The following DENND4A variants were observed in gnomAD, a reference collection of about 807,000 sequenced individuals.
DENND4A encodes C-myc promoter-binding protein.
In DENND4A, 70 loss-of-function variants were observed where a neutral mutation model predicts 199.3. That is an observed-to-expected ratio of 0.35 (90% confidence interval 0.29 to 0.43). DENND4A has a LOEUF of 0.43. Among genes scored for constraint, DENND4A ranks in the 20% least tolerant of loss-of-function variants. DENND4A has a pLI of 1.00. For missense variants in DENND4A, 1,723 were observed against 2,255.8 expected (o/e 0.76, Z 4.78); for synonymous variants, 686 against 766.9 (o/e 0.89, Z 1.74).
At position 65,676,525 on chromosome 15, in the gene DENND4A, G is replaced by A; in HGVS notation, c.4289C>T (p.Ser1430Phe). The part of the protein sequence containing the change: ...VCHELEGPIS[S>F]QETSATSGTK... ...CCCTGAAGTAGCACTGGTCTCTTGA[G>A]AGGAGATAGGTCCTTCCAACTCATG... is the stretch of plus-strand genomic sequence containing the variant. The change falls in exon 24 of 33, where the codon TCT (serine) becomes TTT (phenylalanine). Residue 1430 changes from serine (S) to phenylalanine (F), a missense_variant. Ser to Phe is a radical substitution (Grantham distance 155). This residue lies in a region of DENND4A where 650 missense variants were observed against 738.1 expected (regional missense o/e 0.88). Transcript: ENST00000443035. The A allele has an allele frequency of 2.5e-6, 4 of 1,613,764 alleles. No individual in the cohort carries two copies. The highest frequency in any genetic ancestry group is 3.4e-6 in the Non-Finnish European group (4 of 1,179,788).
intron 1 of DENND4A, chr15:65,771,288 T>C: frequency 6.3e-7 from 1 of 1,583,018 alleles, no homozygotes; most frequent in Non-Finnish European, 8.7e-7. Flanking sequence ...GCATACTGCA[T>C]ATCTGTTTTT....
rs894707020 is a variant in DENND4A, at chr15:65,723,029, C to T, written c.1488-81G>A. ...GGTATATATCTGTTATATATAAAAA[C>T]GGGAAAAGATTAAACACCTTGAATG... On this transcript the variant is annotated intron_variant, in intron 11 of 32. Coordinates refer to ENST00000443035, the MANE Select transcript of DENND4A (RefSeq NM_001320835.1). 18 of 1,056,666 alleles carry T rather than the reference C, an allele frequency of 1.7e-5. No individual in the cohort carries two copies. The South Asian group carries it at 1.8e-4, about 10-fold the overall frequency. The allele number at this position is 1,056,666 out of a possible 1,614,324, so 65.5% of individuals were successfully genotyped here.
rs1302233067 is a variant in DENND4A at position 65,676,619 on chromosome 15, G to A, written c.4195C>T (p.Arg1399Cys). 4.3e-6 allele frequency: 7 copies of A among 1,611,288 alleles called. No homozygotes were observed. The highest frequency in any genetic ancestry group is 5.1e-6 in the Non-Finnish European group (6 of 1,178,738). ...TTSSKDQSSDRTSLSSVGAQD... is the reference protein window; with the variant it reads ...TTSSKDQSSDCTSLSSVGAQD... ...GCTCCCACTGAAGAAAGACTGGTAC[G>A]ATCAGAACTTTGATCCTAAGGACAT... Residue 1399 changes from arginine to cysteine, a missense_variant, in exon 24 of 33, where the codon CGT becomes TGT. Arg to Cys is a radical substitution (Grantham distance 180). Coordinates refer to ENST00000443035, the MANE Select transcript of DENND4A (RefSeq NM_001320835.1).
At chr15:65,685,248 T>G (rs767736052) in intron 23 of DENND4A, among the ~76,000 whole-genome samples, 13 of 152,072 alleles carry the variant, frequency 8.5e-5, no homozygotes, top group Non-Finnish European at 1.8e-4. Flanking sequence ...TGCCTCAGCC[T>G]CCCGAGTAGC....
At chr15:65,731,552 C>T in intron 9 of DENND4A, 90 bp downstream of exon 9, 4 of 957,006 alleles carry the variant, frequency 4.2e-6, no homozygotes, top group Non-Finnish European at 6.4e-6. Flanking sequence ...GTATTTCCAT[C>T]AATATTTGAA....
chr15:65,719,618 A>G (rs1016801350), intron 12 of DENND4A, among the ~76,000 whole-genome samples: 5 of 152,150 alleles, frequency 3.3e-5, no homozygotes, highest in African/African-American at 1.2e-4. Flanking sequence ...GGCCGGGTGC[A>G]GTGGCTCACA....
At chr15:65,754,197 A>C (rs914507230) in intron 3 of DENND4A, among the ~76,000 whole-genome samples, 12 of 152,162 alleles carry the variant, frequency 7.9e-5, no homozygotes, top group Non-Finnish European at 1.6e-4. Flanking sequence ...ATTAAAAAAA[A>C]ATCTTCTCAA....
At chr15:65,764,945 C>T (rs1425280280) in intron 1 of DENND4A, among the ~76,000 whole-genome samples, 2 of 143,650 alleles carry the variant, frequency 1.4e-5, no homozygotes, top group African/African-American at 5.3e-5. Context: ...GCACTCCAGC[C>T]TGGGTGACAG....
intron 32 of DENND4A, among the ~76,000 whole-genome samples, chr15:65,663,266 G>A (rs1439774334): frequency 6.8e-6 from 1 of 147,362 alleles, no homozygotes; most frequent in Admixed American, 6.8e-5. Context: ...CTGGAGTGCA[G>A]TGGCACAATC....
chr15:65,732,440 A>G (rs1489559464), intron 8 of DENND4A, among the ~76,000 whole-genome samples: 1 of 152,132 alleles, frequency 6.6e-6, no homozygotes, highest in Non-Finnish European at 1.5e-5. Context: ...AACTTATTAA[A>G]TAACTGCCAA....
At chr15:65,696,631 TGTTTGTCAACCACAAATAA>T in intron 21 of DENND4A, 134 bp from the exon 22 acceptor site, 1 of 564,806 alleles carries the variant, frequency 1.8e-6, no homozygotes, top group Non-Finnish European at 3.0e-6. Flanking sequence ...CCTCTATATC[TGTTTGTCAACCACAAATAA>T]GTGATTTCAC....
intron 23 of DENND4A, among the ~76,000 whole-genome samples, chr15:65,678,230 A>C (rs1426331243): frequency 2.0e-5 from 3 of 152,252 alleles, no homozygotes; most frequent in Admixed American, 6.5e-5. Flanking sequence ...ACCTGGCCTC[A>C]TACTTTTCTT....
intron 1 of DENND4A, among the ~76,000 whole-genome samples, chr15:65,790,433 C>G (rs1436080718): frequency 6.6e-6 from 1 of 152,142 alleles, no homozygotes; most frequent in Non-Finnish European, 1.5e-5. Context: ...AGCAAGTACA[C>G]TGTTATAAAA....
chr15:65,673,646 A>G (rs1194880518), intron 24 of DENND4A, among the ~76,000 whole-genome samples: 1 of 151,682 alleles, frequency 6.6e-6, no homozygotes, highest in Non-Finnish European at 1.5e-5. Flanking sequence ...AAAAAAAAAA[A>G]AGGTCCAGAA....
chr15:65,671,746 T>C (rs762933264), intron 25 of DENND4A, 46 bp downstream of exon 25: 3 of 1,265,754 alleles, frequency 2.4e-6, no homozygotes, highest in Non-Finnish European at 2.3e-6. Context: ...GAAATGTGCA[T>C]TTTATAAAGC....
At chr15:65,768,319 T>C (rs1231041123) in intron 1 of DENND4A, among the ~76,000 whole-genome samples, 1 of 151,796 alleles carries the variant, frequency 6.6e-6, no homozygotes, top group Non-Finnish European at 1.5e-5. Context: ...ACCTAGCCTG[T>C]TTTTTTCGTT....
intron 29 of DENND4A, among the ~76,000 whole-genome samples, chr15:65,667,084 C>A (rs1380917765): frequency 1.3e-5 from 2 of 152,202 alleles, no homozygotes; most frequent in Non-Finnish European, 2.9e-5. Flanking sequence ...GTAATCCCAA[C>A]ACTTTGGGAG....
intron 22 of DENND4A, 111 bp from the exon 23 acceptor site, chr15:65,691,622 G>A: frequency 8.8e-7 from 1 of 1,130,712 alleles, no homozygotes; most frequent in Non-Finnish European, 1.2e-6. Context: ...CACTCACTGA[G>A]TGTCTGCTAT....
rs763974287 is a variant in DENND4A at position 65,700,666 on chromosome 15, C to T, written c.2711G>A (p.Ser904Asn). 3 of 1,536,418 alleles carry T rather than the reference C, an allele frequency of 2.0e-6. No individual in the cohort carries two copies. Among genetic ancestry groups the T allele is most frequent in the Non-Finnish European group, 2.6e-6 (3 of 1,142,150 alleles). Residue 904 changes from serine to asparagine, a missense_variant, in exon 20 of 33, where the codon AGT becomes AAT. Ser to Asn is a conservative substitution (Grantham distance 46). Around this residue, in one of 6 missense-constraint regions of DENND4A, gnomAD observed 650 missense variants for 738.1 expected, o/e 0.88. Coordinates refer to ENST00000443035, the MANE Select transcript of DENND4A (RefSeq NM_001320835.1). ...GCCATGACTAACAGCATCCAGGTCACTGCCATCTGCTTAAGAACACAATTT... is the reference window on the plus strand; with the variant it reads ...GCCATGACTAACAGCATCCAGGTCATTGCCATCTGCTTAAGAACACAATTT... Reference protein sequence around the residue: ...LSQTTLSADGSDLDAVSHGSM... With the variant: ...LSQTTLSADGNDLDAVSHGSM...
Sources: allele counts gnomAD v4.1 joint callset (sites outside exome capture counted in the v4.1 genomes callset), GRCh38; gene constraint gnomAD v4.1.1; regional missense constraint gnomAD v4.1.1; transcripts MANE v1.5; gene names NCBI Gene and HGNC (gene_info 2026-07-23, HGNC 2026-07-21).